The following SIL1 variants were observed in gnomAD, a reference collection of about 807,000 sequenced individuals.
SIL1 encodes the protein nucleotide exchange factor SIL1.
In SIL1, 40 loss-of-function variants were observed where a neutral mutation model predicts 49.1. The observed-to-expected ratio is 0.81, with a 90% CI of 0.63 to 1.06. The LOEUF (loss-of-function observed/expected upper bound fraction) is 1.06, where lower values mean the gene tolerates loss of function less well. Ranked by LOEUF, SIL1 falls within the 50% of genes least tolerant of loss-of-function variation. The pLI is 0.00. For missense variants in SIL1, 500 were observed against 572.6 expected, an observed-to-expected ratio of 0.87 and a Z score of 1.29; for synonymous variants, 253 against 250.8, an observed-to-expected ratio of 1.01 and a Z score of -0.08.
At chr5:139,066,843 C>G (rs188739007) in intron 3 of SIL1, among the ~76,000 whole-genome samples, 51 of 152,188 alleles carry the variant, frequency 3.4e-4, no homozygotes, top group African/African-American at 1.1e-3. Context: ...GTACCTGGGA[C>G]TACAAGCATG....
At chr5:139,117,227 G>C (rs1771010538) in intron 3 of SIL1, among the ~76,000 whole-genome samples, 1 of 152,164 alleles carries the variant, frequency 6.6e-6, no homozygotes, top group Non-Finnish European at 1.5e-5. Flanking sequence ...CGTCCTTTTT[G>C]CTACACAAGA....
Position 139,021,555 on chromosome 5 carries a change from A to C in SIL1, c.646-263T>G, listed in dbSNP as rs187029043. ...CACCTAGCTATTGCTTATGCCAAAC[A>C]TGTCCTGGAAAATTCTAATATCATA... On this transcript the variant is annotated intron_variant, in intron 6 of 9. Transcript: ENST00000394817. Among the ~76,000 whole-genome samples, 309 of 152,336 alleles carry C rather than the reference A, an allele frequency of 2.0e-3. 1 individual carries two copies. Among genetic ancestry groups the C allele is most frequent in the Middle Eastern group, 0.01 (3 of 294 alleles).
Position 138,956,619 on chromosome 5 carries a change from T to C in SIL1, c.768-4735A>G, listed in dbSNP as rs563587996. On this transcript the variant is annotated intron_variant, in intron 7 of 9. Transcript: ENST00000394817. ...GTTAGCTGGTGTGGTGTCAGGCACC[T>C]GTAATCTCAGCTACTCGGGAGGCTA... Among the ~76,000 whole-genome samples the C allele has an allele frequency of 3.3e-5, 5 of 152,012 alleles. No homozygotes were observed. The East Asian group carries it at 9.7e-4, about 29-fold the overall frequency.
intron 3 of SIL1, among the ~76,000 whole-genome samples, chr5:139,066,827 T>A (rs1488836969): frequency 3.3e-5 from 5 of 152,150 alleles, no homozygotes; most frequent in Non-Finnish European, 5.9e-5. Context: ...CACCTCAGCC[T>A]CCCTGGTACC....
chr5:139,047,925 A>G (rs1769201465), intron 4 of SIL1, among the ~76,000 whole-genome samples: 1 of 152,244 alleles, frequency 6.6e-6, no homozygotes, highest in African/African-American at 2.4e-5. Context: ...GTAGGGACAA[A>G]TATTTCTCCC....
chr5:139,057,324 A>AG lies in SIL1; in HGVS notation c.245-6279_245-6278insC, dbSNP rs568467188. The stretch of plus-strand genomic sequence containing the variant: ...CCCAAGAATGATCAATAAAAAAAAA[A>AG]AAAAGAAAAGAAAAGAACATCACTG... On this transcript the variant is annotated intron_variant, in intron 3 of 9. Transcript: ENST00000394817. 1.6e-3 allele frequency among the ~76,000 whole-genome samples: 236 copies of AG among 147,324 alleles called. 14 individuals are homozygous for AG. Among genetic ancestry groups the AG allele is most frequent in the Non-Finnish European group, 2.6e-3 (172 of 66,772 alleles).
chr5:139,146,310 A>C (rs1311229071), intron 1 of SIL1, among the ~76,000 whole-genome samples: 1 of 152,052 alleles, frequency 6.6e-6, no homozygotes, highest in Non-Finnish European at 1.5e-5. Context: ...TAATCCCAAC[A>C]CTTTAGGAGG....
chr5:139,194,124 C>G (rs1221910695), intron 1 of SIL1, among the ~76,000 whole-genome samples: 2 of 152,202 alleles, frequency 1.3e-5, no homozygotes, highest in Admixed American at 1.3e-4. Context: ...ACAGCCATGT[C>G]TTACAGCTGC....
At chr5:139,088,232 T>G (rs901210806) in intron 3 of SIL1, among the ~76,000 whole-genome samples, 2 of 152,246 alleles carry the variant, frequency 1.3e-5, no homozygotes, top group African/African-American at 4.8e-5. Context: ...GCTGACTAAG[T>G]GCCCTTTCCT....
At chr5:139,060,075 C>A (rs1769550638) in intron 3 of SIL1, among the ~76,000 whole-genome samples, 1 of 152,188 alleles carries the variant, frequency 6.6e-6, no homozygotes, top group South Asian at 2.1e-4. Context: ...CTGTCCAATT[C>A]ATTAAGGTTA....
intron 1 of SIL1, among the ~76,000 whole-genome samples, chr5:139,175,995 C>T (rs1751873570): frequency 6.6e-6 from 1 of 152,104 alleles, no homozygotes; most frequent in African/African-American, 2.4e-5. Flanking sequence ...AGACCTGTTT[C>T]TCTTATGACC....
chr5:139,144,870 TA>T (rs113151955), intron 1 of SIL1, among the ~76,000 whole-genome samples: 35 of 144,978 alleles, frequency 2.4e-4, no homozygotes, highest in Non-Finnish European at 3.2e-4. Context: ...GCCTCCCATC[TA>T]AAAAAAAAAA....
At chr5:139,035,634 G>A (rs1768887636) in intron 5 of SIL1, 3 of 263,892 alleles carry the variant, frequency 1.1e-5, no homozygotes, top group South Asian at 8.1e-5. Flanking sequence ...TGCATCTCAG[G>A]TATACAACTT....
At chr5:139,132,032 G>T (rs928174766) in intron 1 of SIL1, among the ~76,000 whole-genome samples, 2 of 152,124 alleles carry the variant, frequency 1.3e-5, no homozygotes, top group Non-Finnish European at 2.9e-5. Context: ...CCTTCCATGA[G>T]ATACTCATGT....
chr5:138,995,314 C>T (rs1308021373), intron 7 of SIL1, among the ~76,000 whole-genome samples: 3 of 148,922 alleles, frequency 2.0e-5, no homozygotes, highest in Non-Finnish European at 4.4e-5. Context: ...ATGGCGTGAT[C>T]TCGGCTCACC....
intron 1 of SIL1, among the ~76,000 whole-genome samples, chr5:139,181,665 T>C (rs1026069196): frequency 6.6e-6 from 1 of 152,210 alleles, no homozygotes; most frequent in African/African-American, 2.4e-5. Flanking sequence ...GAGAAATCAC[T>C]AAACTGGCTG....
chr5:139,112,336 C>G (rs370103258), intron 3 of SIL1, among the ~76,000 whole-genome samples: 1 of 151,902 alleles, frequency 6.6e-6, no homozygotes, highest in South Asian at 2.1e-4. Context: ...CCCCTCTGCC[C>G]GGCTGCCCAG....
At chr5:138,968,151 A>C (rs556013272) in intron 7 of SIL1, among the ~76,000 whole-genome samples, 11 of 152,192 alleles carry the variant, frequency 7.2e-5, no homozygotes, top group African/African-American at 2.4e-4. Flanking sequence ...GAGGAGGAAG[A>C]GTCAGCATAG....
chr5:138,949,927 T>A (rs1766727591), intron 9 of SIL1, among the ~76,000 whole-genome samples: 1 of 152,212 alleles, frequency 6.6e-6, no homozygotes, highest in Non-Finnish European at 1.5e-5. Context: ...GAAATTTATC[T>A]GCTGTCCTCC....
Sources: allele counts gnomAD v4.1 joint callset (sites outside exome capture counted in the v4.1 genomes callset), GRCh38; gene constraint gnomAD v4.1.1; transcripts MANE v1.5; gene names NCBI Gene and HGNC (gene_info 2026-07-23, HGNC 2026-07-21).